The following ZC3H12B variants were observed in gnomAD, a reference collection of about 807,000 sequenced individuals.
The protein encoded by ZC3H12B is probable ribonuclease ZC3H12B.
ZC3H12B carries 7 observed loss-of-function variants against 43.9 expected under a neutral mutation model. The observed-to-expected ratio is 0.16, with a 90% CI of 0.09 to 0.30. The LOEUF (loss-of-function observed/expected upper bound fraction) is 0.30. ZC3H12B is among the 10% of genes least tolerant of loss of function. ZC3H12B has a pLI of 1.00. For missense variants in ZC3H12B, 475 were observed against 670.2 expected, an observed-to-expected ratio of 0.71 and a Z score of 3.22; for synonymous variants, 222 against 241.7, an observed-to-expected ratio of 0.92 and a Z score of 0.76.
chrX:65,247,999 T>C, the ZC3H12B span, among the ~76,000 whole-genome samples: 1 of 111,373 alleles, frequency 9.0e-6, no homozygotes, highest in Non-Finnish European at 1.9e-5. Context: ...GACAAAATTG[T>C]TTTGAAATTC....
At chrX:65,312,904 C>A in the ZC3H12B span, among the ~76,000 whole-genome samples, 1 of 111,289 alleles carries the variant, frequency 9.0e-6, no homozygotes, top group Non-Finnish European at 1.9e-5. Flanking sequence ...TTTTTTGAGA[C>A]AGATTCTCAT....
chrX:65,164,499 C>A, the ZC3H12B span, among the ~76,000 whole-genome samples: 1 of 111,108 alleles, frequency 9.0e-6, no homozygotes, highest in Admixed American at 9.6e-5. Context: ...ACTTTTTTGC[C>A]CATTTTTTCA....
intron 3 of ZC3H12B, among the ~76,000 whole-genome samples, chrX:65,436,393 T>A (rs1373851643): frequency 1.8e-5 from 2 of 112,473 alleles, no homozygotes; most frequent in African/African-American, 6.5e-5. Context: ...GATCAGAGAA[T>A]AAATTCAACT....
the ZC3H12B span, among the ~76,000 whole-genome samples, chrX:65,292,301 A>G: frequency 1.8e-5 from 2 of 112,289 alleles, no homozygotes; most frequent in Admixed American, 1.9e-4. Context: ...CAGCATGCAA[A>G]AAAGAATGAG....
intron 3 of ZC3H12B, among the ~76,000 whole-genome samples, chrX:65,423,854 T>A (rs973757364): frequency 8.9e-6 from 1 of 112,249 alleles, no homozygotes; most frequent in African/African-American, 3.2e-5. Context: ...CTCTTTAGTT[T>A]AATTAGATCC....
chrX:65,173,769 A>C, the ZC3H12B span, among the ~76,000 whole-genome samples: 1 of 111,836 alleles, frequency 8.9e-6, no homozygotes, highest in East Asian at 2.8e-4. Context: ...CCAGGGATGA[A>C]GCCAGCTTGA....
At chrX:65,098,732 A>G in the ZC3H12B span, among the ~76,000 whole-genome samples, 3 of 110,896 alleles carry the variant, frequency 2.7e-5, no homozygotes, top group Non-Finnish European at 5.7e-5. Context: ...AGTTTTTGCA[A>G]TCCGCAGACC....
At chrX:65,200,740 A>T in the ZC3H12B span, among the ~76,000 whole-genome samples, 74 of 110,531 alleles carry the variant, frequency 6.7e-4, no homozygotes, top group African/African-American at 2.3e-3. Flanking sequence ...CTGGCCTCTT[A>T]TTATAGTTTC....
At chrX:65,377,533 C>A (rs1373848119) in intron 2 of ZC3H12B, among the ~76,000 whole-genome samples, 2 of 110,462 alleles carry the variant, frequency 1.8e-5, no homozygotes, top group Non-Finnish European at 3.8e-5. Flanking sequence ...ACAAAAGAAA[C>A]AAATAATATA....
At chrX:65,263,716 ATG>A in the ZC3H12B span, among the ~76,000 whole-genome samples, 1 of 111,623 alleles carries the variant, frequency 9.0e-6, no homozygotes, top group African/African-American at 3.2e-5. Context: ...GCTGTTGGGA[ATG>A]TAAGTTAGTA....
the ZC3H12B span, among the ~76,000 whole-genome samples, chrX:65,200,832 T>A: frequency 1.8e-5 from 2 of 111,566 alleles, no homozygotes; most frequent in African/African-American, 6.5e-5. Flanking sequence ...TCGGCATTAC[T>A]GTCATGGAAT....
the ZC3H12B span, among the ~76,000 whole-genome samples, chrX:65,172,116 G>T: frequency 1.8e-4 from 20 of 112,444 alleles, no homozygotes; most frequent in Non-Finnish European, 7.5e-5. Flanking sequence ...CTGACACTGG[G>T]AGATGTAGAC....
chrX:65,252,029 T>C, the ZC3H12B span, among the ~76,000 whole-genome samples: 7 of 112,012 alleles, frequency 6.2e-5, no homozygotes, highest in Admixed American at 6.6e-4. Context: ...TCAAAGGGAA[T>C]ACTTCCAGTT....
At chrX:65,067,965 A>T in the ZC3H12B span, among the ~76,000 whole-genome samples, 12 of 109,334 alleles carry the variant, frequency 1.1e-4, no homozygotes, top group African/African-American at 3.3e-4. Flanking sequence ...ACATTTTTCA[A>T]TTTTTTTTCT....
chrX:65,424,489 T>C (rs1440581415), intron 3 of ZC3H12B, among the ~76,000 whole-genome samples: 3 of 112,545 alleles, frequency 2.7e-5, no homozygotes, highest in African/African-American at 9.7e-5. Context: ...CATTTGTCAA[T>C]TTTTGCTTTT....
chrX:65,233,925 A>G, the ZC3H12B span, among the ~76,000 whole-genome samples: 1 of 111,674 alleles, frequency 9.0e-6, no homozygotes, highest in Non-Finnish European at 1.9e-5. Flanking sequence ...AAGCATCATG[A>G]GAGAGTATTA....
At chrX:65,272,856 A>G in the ZC3H12B span, 1 of 112,336 alleles carries the variant, frequency 8.9e-6, no homozygotes, top group South Asian at 3.7e-4. Flanking sequence ...TAGGAAATCA[A>G]TATCTACAAG....
At chrX:65,124,777 G>T in the ZC3H12B span, among the ~76,000 whole-genome samples, 5 of 110,602 alleles carry the variant, frequency 4.5e-5, no homozygotes, top group African/African-American at 1.6e-4. Flanking sequence ...GCATGTAAAG[G>T]TGTTAATAGT....
chrX:65,304,213 C>G, the ZC3H12B span, among the ~76,000 whole-genome samples: 3 of 111,821 alleles, frequency 2.7e-5, no homozygotes, highest in African/African-American at 9.7e-5. Flanking sequence ...CAGAAATAGG[C>G]TTACATACAT....
Sources: gnomAD v4.1 joint callset for allele counts (sites outside exome capture counted in the v4.1 genomes callset) on GRCh38, gnomAD v4.1.1 for gene constraint, MANE v1.5 for transcripts, NCBI Gene and HGNC (gene_info 2026-07-23, HGNC 2026-07-21) for gene names.